The following TMTC2 variants were observed in gnomAD, a reference collection of about 807,000 sequenced individuals.
The protein encoded by TMTC2 is protein O-mannosyl-transferase TMTC2.
In TMTC2, 43 loss-of-function variants were observed where a neutral mutation model predicts 82.4. The observed-to-expected ratio is 0.52, with a 90% confidence interval of 0.41 to 0.67. TMTC2 has a LOEUF of 0.67. Ranked by LOEUF, TMTC2 falls within the 30% of genes least tolerant of loss-of-function variation. The probability of loss-of-function intolerance (pLI) is 0.00; values close to 1 mark genes in which losing one functional copy is unlikely to be tolerated. For missense variants in TMTC2, 919 were observed against 1,012.4 expected, an observed-to-expected ratio of 0.91 and a Z score of 1.25; for synonymous variants, 408 against 381.9, an observed-to-expected ratio of 1.07 and a Z score of -0.80.
intron 7 of TMTC2, among the ~76,000 whole-genome samples, chr12:82,967,265 G>A (rs1354385168): frequency 1.3e-5 from 2 of 152,054 alleles, no homozygotes; most frequent in East Asian, 1.9e-4. Context: ...TGGAATATTA[G>A]CTAGACTCTA....
At chr12:82,884,359 G>C (rs895654515) in intron 2 of TMTC2, among the ~76,000 whole-genome samples, 12 of 152,102 alleles carry the variant, frequency 7.9e-5, no homozygotes, top group African/African-American at 2.9e-4. Context: ...AAACCAAATA[G>C]GATTTGAAAT....
intron 1 of TMTC2, among the ~76,000 whole-genome samples, chr12:82,816,821 G>A (rs186712807): frequency 1.3e-4 from 20 of 152,042 alleles, no homozygotes; most frequent in Non-Finnish European, 2.9e-4. Flanking sequence ...AAGGAATATT[G>A]GATAAAATTT....
chr12:83,082,508 C>T (rs1487155624), intron 11 of TMTC2, among the ~76,000 whole-genome samples: 1 of 152,140 alleles, frequency 6.6e-6, no homozygotes, highest in African/African-American at 2.4e-5. Context: ...TTATACTATC[C>T]TTGACAATAT....
At chr12:83,074,311 G>A (rs143549822) in intron 11 of TMTC2, among the ~76,000 whole-genome samples, 267 of 152,258 alleles carry the variant, frequency 1.8e-3, no homozygotes, top group East Asian at 1.4e-3. Flanking sequence ...TCTGCACAGC[G>A]TCATATGATG....
At chr12:82,841,304 A>G (rs1870321064) in intron 1 of TMTC2, among the ~76,000 whole-genome samples, 1 of 152,234 alleles carries the variant, frequency 6.6e-6, no homozygotes, top group African/African-American at 2.4e-5. Flanking sequence ...GAAATGATAT[A>G]AAGATTAGAA....
intron 4 of TMTC2, among the ~76,000 whole-genome samples, chr12:82,963,806 T>C (rs1450548689): frequency 0.037 from 2,072 of 56,376 alleles, 334 homozygotes; most frequent in African/African-American, 0.054. Flanking sequence ...TATATATATA[T>C]ATATATATAT....
chr12:83,119,799 C>G (rs532049599), intron 11 of TMTC2, among the ~76,000 whole-genome samples: 1 of 152,084 alleles, frequency 6.6e-6, no homozygotes, highest in African/African-American at 2.4e-5. Context: ...GTCTAGTAGT[C>G]ATTTTATAAA....
At chr12:83,023,009 T>C (rs1024745347) in intron 8 of TMTC2, among the ~76,000 whole-genome samples, 1 of 152,226 alleles carries the variant, frequency 6.6e-6, no homozygotes, top group Non-Finnish European at 1.5e-5. Flanking sequence ...GAATAGCAAC[T>C]TCTTTGTATT....
chr12:83,041,972 C>T (rs988025522), intron 9 of TMTC2, among the ~76,000 whole-genome samples: 6 of 152,194 alleles, frequency 3.9e-5, no homozygotes, highest in Non-Finnish European at 8.8e-5. Flanking sequence ...AACAGTTTCT[C>T]CAGTCTTACC....
intron 4 of TMTC2, 52 bp from the exon 5 acceptor site, chr12:82,964,972 T>G (rs1878121356): frequency 7.4e-7 from 1 of 1,347,712 alleles, no homozygotes; most frequent in Admixed American, 2.2e-5. Flanking sequence ...AATTTGTGGT[T>G]TTATATATAA....
intron 1 of TMTC2, among the ~76,000 whole-genome samples, chr12:82,840,505 C>T (rs1022686826): frequency 4.6e-5 from 7 of 152,102 alleles, no homozygotes; most frequent in Admixed American, 3.3e-4. Flanking sequence ...TTAATTAGCA[C>T]GGTTACTTGT....
intron 1 of TMTC2, among the ~76,000 whole-genome samples, chr12:82,725,603 C>T (rs1169951394): frequency 6.6e-6 from 1 of 152,132 alleles, no homozygotes; most frequent in Non-Finnish European, 1.5e-5. Context: ...TGGCCCATGA[C>T]ACAGCCCACA....
At chr12:83,045,967 C>T (rs749813282) in intron 9 of TMTC2, among the ~76,000 whole-genome samples, 56 of 152,014 alleles carry the variant, frequency 3.7e-4, no homozygotes, top group Non-Finnish European at 7.8e-4. Context: ...CCTATAAAAC[C>T]CCAAGTCAAA....
At chr12:82,981,448 T>C (rs193061990) in intron 7 of TMTC2, among the ~76,000 whole-genome samples, 1 of 152,008 alleles carries the variant, frequency 6.6e-6, no homozygotes, top group East Asian at 1.9e-4. Flanking sequence ...CTGGTTTATG[T>C]CTGCCTGAAG....
chr12:83,125,551 T>C (rs1885077039), intron 11 of TMTC2, among the ~76,000 whole-genome samples: 1 of 152,206 alleles, frequency 6.6e-6, no homozygotes, highest in African/African-American at 2.4e-5. Context: ...AAGATACAGA[T>C]TGAGTATTCC....
chr12:82,729,910 C>T (rs1471904496), intron 1 of TMTC2, among the ~76,000 whole-genome samples: 1 of 152,110 alleles, frequency 6.6e-6, no homozygotes, highest in Admixed American at 6.5e-5. Context: ...CACGAACCCA[C>T]TGGGAGAAAG....
chr12:83,029,779 A>G (rs1052192814), intron 8 of TMTC2, among the ~76,000 whole-genome samples: 5 of 152,348 alleles, frequency 3.3e-5, no homozygotes, highest in African/African-American at 1.2e-4. Flanking sequence ...TTCAGAGGCA[A>G]TAACTAGGTG....
intron 1 of TMTC2, among the ~76,000 whole-genome samples, chr12:82,702,686 A>G (rs1399291152): frequency 2.0e-5 from 3 of 152,162 alleles, no homozygotes; most frequent in African/African-American, 4.8e-5. Context: ...CATCACTTCA[A>G]GAGGCTAAGA....
chr12:82,704,777 A>AGTATT (rs1873264627), intron 1 of TMTC2, among the ~76,000 whole-genome samples: 1 of 152,118 alleles, frequency 6.6e-6, no homozygotes, highest in Non-Finnish European at 1.5e-5. Context: ...GTTCTGTATT[A>AGTATT]AGATTAGTAT....
Sources: allele counts gnomAD v4.1 joint callset (sites outside exome capture counted in the v4.1 genomes callset), GRCh38; gene constraint gnomAD v4.1.1; transcripts MANE v1.5; gene names NCBI Gene and HGNC (gene_info 2026-07-23, HGNC 2026-07-21).